ZNF536: variants seen among roughly 807,000 people sequenced by gnomAD.
The protein encoded by ZNF536 is zinc finger protein 536.
A neutral mutation model predicts 84.5 loss-of-function variants in ZNF536; 13 were observed. The ratio of observed to expected loss-of-function variants is 0.15; its 90% CI spans 0.10 to 0.24. The LOEUF (loss-of-function observed/expected upper bound fraction) is 0.24. Among genes scored for constraint, ZNF536 ranks in the 10% least tolerant of loss-of-function variants. ZNF536 has a pLI of 1.00. For synonymous variants in ZNF536, 811 were observed against 742.5 expected, an observed-to-expected ratio of 1.09 and a Z score of -1.50; for missense variants, 1,536 against 1,747.5, an observed-to-expected ratio of 0.88 and a Z score of 2.16.
At chr19:30,440,204 G>T (rs185287903) in intron 1 of ZNF536, among the ~76,000 whole-genome samples, 1 of 151,624 alleles carries the variant, frequency 6.6e-6, no homozygotes, top group Non-Finnish European at 1.5e-5. Flanking sequence ...CAAGTGATCC[G>T]CCCACCTCAG....
chr19:30,227,898 A>T (rs1243684352), upstream of ZNF536, among the ~76,000 whole-genome samples: 2 of 149,424 alleles, frequency 1.3e-5, no homozygotes, highest in Non-Finnish European at 3.0e-5. Context: ...ACCGGCGGGG[A>T]TGGGCGCGGG....
At chr19:30,683,171 C>T (rs1486881419) in intron 1 of ZNF536, among the ~76,000 whole-genome samples, 1 of 152,076 alleles carries the variant, frequency 6.6e-6, no homozygotes, top group African/African-American at 2.4e-5. Flanking sequence ...TTTATGGCTG[C>T]GAGGCAGGGT....
chr19:30,573,083 A>C (rs1454946817), intron 1 of ZNF536, among the ~76,000 whole-genome samples: 1 of 152,188 alleles, frequency 6.6e-6, no homozygotes. Context: ...AAAGACCCTC[A>C]GATGAGAGAG....
chr19:30,657,058 G>C (rs1208530187), intron 1 of ZNF536, among the ~76,000 whole-genome samples: 1 of 152,146 alleles, frequency 6.6e-6, no homozygotes, highest in Non-Finnish European at 1.5e-5. Flanking sequence ...AGAGATGCTG[G>C]CATTGCTGGT....
intron 2 of ZNF536, among the ~76,000 whole-genome samples, chr19:30,527,768 C>G (rs1018658090): frequency 4.6e-5 from 7 of 152,044 alleles, no homozygotes; most frequent in African/African-American, 1.2e-4. Context: ...TTAAAGCTTT[C>G]AAAATAAGGG....
At chr19:30,647,581 T>C (rs2049524111) in intron 1 of ZNF536, among the ~76,000 whole-genome samples, 1 of 152,250 alleles carries the variant, frequency 6.6e-6, no homozygotes, top group East Asian at 1.9e-4. Context: ...CTTCCCTTTA[T>C]GGACATGAAA....
chr19:30,694,303 T>C (rs16964543), intron 1 of ZNF536, among the ~76,000 whole-genome samples: 48,593 of 152,154 alleles, frequency 0.32, 8,109 homozygotes, highest in East Asian at 0.57. Flanking sequence ...AAACAGGAAG[T>C]GATTGAACCA....
At chr19:30,681,833 C>T (rs903590412) in intron 1 of ZNF536, among the ~76,000 whole-genome samples, 3 of 152,154 alleles carry the variant, frequency 2.0e-5, no homozygotes, top group Admixed American at 6.5e-5. Context: ...ATGACATCTC[C>T]GCCACGCTGG....
At chr19:30,543,478 T>G (rs1359033170) in intron 3 of ZNF536, among the ~76,000 whole-genome samples, 2 of 152,270 alleles carry the variant, frequency 1.3e-5, no homozygotes, top group South Asian at 2.1e-4. Context: ...TCAGGCAGAG[T>G]CCAGCCTTGG....
intron 2 of ZNF536, among the ~76,000 whole-genome samples, chr19:30,450,582 T>C (rs1432794877): frequency 7.0e-5 from 1 of 14,326 alleles, no homozygotes; most frequent in Non-Finnish European, 1.3e-4. Context: ...TGCTTAAAAA[T>C]TTTTTTAGCC....
At chr19:30,420,058 G>A (rs1345126237) in intron 1 of ZNF536, among the ~76,000 whole-genome samples, 1 of 152,150 alleles carries the variant, frequency 6.6e-6, no homozygotes, top group Non-Finnish European at 1.5e-5. Flanking sequence ...AAGGGTGCAG[G>A]GCATCTGCAG....
chr19:30,425,240 GAA>G (rs202028118), intron 1 of ZNF536, among the ~76,000 whole-genome samples: 2 of 146,260 alleles, frequency 1.4e-5, no homozygotes, highest in African/African-American at 5.0e-5. Flanking sequence ...AAACATGTTG[GAA>G]AAAAAAAAAC....
At chr19:30,430,459 C>G (rs989926180) in intron 1 of ZNF536, among the ~76,000 whole-genome samples, 2 of 152,124 alleles carry the variant, frequency 1.3e-5, no homozygotes, top group African/African-American at 4.8e-5. Context: ...ACAAACAAAC[C>G]CAACCTAATG....
At chr19:30,383,701 C>CTCTTTCTTTCTTTCTTTCTT (rs762457465) in intron 1 of ZNF536, among the ~76,000 whole-genome samples, 16 of 11,562 alleles carry the variant, frequency 1.4e-3, no homozygotes, top group South Asian at 6.6e-3. Context: ...TCTTTTCTTT[C>CTCTTTCTTTCTTTCTTTCTT]TCTTTCTTTC....
intron 1 of ZNF536, among the ~76,000 whole-genome samples, chr19:30,383,729 TTCTTTCTTTCTTTC>T (rs1180701945): frequency 8.4e-5 from 2 of 23,940 alleles, no homozygotes; most frequent in East Asian, 9.2e-4. Flanking sequence ...CTTTCTTTCT[TTCTTTCTTTCTTTC>T]TCTTTCTTTC....
At chr19:30,440,517 G>T (rs955780125) in intron 1 of ZNF536, among the ~76,000 whole-genome samples, 1 of 152,228 alleles carries the variant, frequency 6.6e-6, no homozygotes, top group African/African-American at 2.4e-5. Flanking sequence ...AGATAAGCCA[G>T]CTCTGCCTTA....
At chr19:30,632,981 A>G (rs1451088629) in intron 1 of ZNF536, among the ~76,000 whole-genome samples, 2 of 152,242 alleles carry the variant, frequency 1.3e-5, no homozygotes, top group South Asian at 2.1e-4. Context: ...TAGATGGTCC[A>G]TGACATGCCT....
At chr19:30,302,678 C>G (rs2046223146) in intron 2 of ZNF536, among the ~76,000 whole-genome samples, 1 of 152,108 alleles carries the variant, frequency 6.6e-6, no homozygotes, top group Admixed American at 6.5e-5. Flanking sequence ...GCCCTGTTAG[C>G]TGGTCTCACG....
intron 1 of ZNF536, among the ~76,000 whole-genome samples, chr19:30,281,965 G>A (rs144385183): frequency 3.7e-4 from 56 of 152,292 alleles, no homozygotes; most frequent in Non-Finnish European, 7.2e-4. Context: ...CACTGACTGT[G>A]TTATGTCTAA....
Sources: allele counts gnomAD v4.1 joint callset (sites outside exome capture counted in the v4.1 genomes callset), GRCh38; gene constraint gnomAD v4.1.1; transcripts MANE v1.5; gene names NCBI Gene and HGNC (gene_info 2026-07-23, HGNC 2026-07-21).